Variants in IFT25 observed in about 807,000 individuals in gnomAD.
The protein encoded by IFT25 is intraflagellar transport 25.
chr1:53,930,204 AT>A, the IFT25 span: 1 of 1,434,036 alleles, frequency 7.0e-7, no homozygotes, highest in Non-Finnish European at 9.3e-7. Context: ...TAATCATAAA[AT>A]TTTATTGAAT....
At chr1:53,943,203 G>T in the IFT25 span, among the ~76,000 whole-genome samples, 2 of 152,104 alleles carry the variant, frequency 1.3e-5, no homozygotes, top group African/African-American at 4.8e-5. Flanking sequence ...CCCTGAAAAC[G>T]TCCAAGAAAA....
At chr1:53,936,906 G>A in the IFT25 span, among the ~76,000 whole-genome samples, 6 of 151,932 alleles carry the variant, frequency 3.9e-5, no homozygotes, top group Non-Finnish European at 5.9e-5. Context: ...TGTTGCCCAG[G>A]CTAGTCTCAA....
At chr1:53,917,070 G>A in the IFT25 span, 1 of 200,984 alleles carries the variant, frequency 5.0e-6, no homozygotes, top group Admixed American at 6.0e-5. Flanking sequence ...CTTGAACCCG[G>A]GAGACGGAGG....
At chr1:53,933,774 T>C in the IFT25 span, among the ~76,000 whole-genome samples, 1 of 152,204 alleles carries the variant, frequency 6.6e-6, no homozygotes, top group Non-Finnish European at 1.5e-5. Flanking sequence ...CATTTTTGTC[T>C]CTCCCTCCTA....
chr1:53,943,245 G>C, the IFT25 span, among the ~76,000 whole-genome samples: 2,268 of 152,256 alleles, frequency 0.015, 69 homozygotes, highest in African/African-American at 0.051. Flanking sequence ...ATGGAAGAAG[G>C]CAAAGAAATC....
the IFT25 span, among the ~76,000 whole-genome samples, chr1:53,925,016 C>G: frequency 2.6e-4 from 39 of 152,224 alleles, no homozygotes; most frequent in African/African-American, 9.2e-4. Context: ...TCTTTCTCCT[C>G]TAGTCCTGCT....
At chr1:53,924,468 ATTAAT>A in the IFT25 span, among the ~76,000 whole-genome samples, 1 of 152,206 alleles carries the variant, frequency 6.6e-6, no homozygotes, top group Non-Finnish European at 1.5e-5. Context: ...TTTAGAGCAG[ATTAAT>A]TTATTTCATC....
chr1:53,929,365 T>C, the IFT25 span: 9 of 152,456 alleles, frequency 5.9e-5, no homozygotes, highest in African/African-American at 1.9e-4. Context: ...CTATAGCTAG[T>C]TTCTGAGGGC....
chr1:53,928,241 A>T, the IFT25 span: 1 of 672,290 alleles, frequency 1.5e-6, no homozygotes, highest in Non-Finnish European at 2.5e-6. Flanking sequence ...GGGTCTTTCT[A>T]GACCCTAAAT....
the IFT25 span, among the ~76,000 whole-genome samples, chr1:53,921,297 G>C: frequency 6.6e-6 from 1 of 152,100 alleles, no homozygotes. Flanking sequence ...ATTGTTTACT[G>C]TCTATATTGC....
the IFT25 span, among the ~76,000 whole-genome samples, chr1:53,943,186 C>A: frequency 6.6e-6 from 1 of 152,102 alleles, no homozygotes; most frequent in Non-Finnish European, 1.5e-5. Flanking sequence ...TTTTAAATTT[C>A]TTTCATCCCT....
At chr1:53,943,538 G>A in the IFT25 span, among the ~76,000 whole-genome samples, 5 of 152,044 alleles carry the variant, frequency 3.3e-5, no homozygotes, top group Admixed American at 2.6e-4. Context: ...AGTAATTATT[G>A]GTCCCAAGTA....
the IFT25 span, among the ~76,000 whole-genome samples, chr1:53,942,319 G>A: frequency 6.6e-6 from 1 of 152,134 alleles, no homozygotes; most frequent in African/African-American, 2.4e-5. Context: ...ATCTGTTTTT[G>A]TATGGCCCAC....
chr1:53,938,304 T>C, the IFT25 span, among the ~76,000 whole-genome samples: 1 of 152,220 alleles, frequency 6.6e-6, no homozygotes, highest in East Asian at 1.9e-4. Flanking sequence ...ATTAGTCAAG[T>C]TTGACTCATA....
At chr1:53,939,943 A>G in the IFT25 span, 1 of 1,126,586 alleles carries the variant, frequency 8.9e-7, no homozygotes, top group Non-Finnish European at 1.4e-6. Flanking sequence ...CAAGGGATTC[A>G]CCGATTTAAG....
At chr1:53,923,937 G>A in the IFT25 span, 1 of 1,591,668 alleles carries the variant, frequency 6.3e-7, no homozygotes, top group Non-Finnish European at 8.6e-7. Flanking sequence ...GCCCCTCTGT[G>A]TGTACCAAAT....
chr1:53,926,538 T>C, the IFT25 span, among the ~76,000 whole-genome samples: 2 of 152,100 alleles, frequency 1.3e-5, no homozygotes, highest in African/African-American at 4.8e-5. Context: ...TTTAATATAA[T>C]ATGAAACCCA....
the IFT25 span, among the ~76,000 whole-genome samples, chr1:53,932,266 A>G: frequency 1.0e-3 from 152 of 152,062 alleles, no homozygotes; most frequent in South Asian, 6.2e-3. Context: ...CCCAGGAGGC[A>G]GAAGTTGCCA....
At chr1:53,930,028 G>C in the IFT25 span, 4 of 1,525,076 alleles carry the variant, frequency 2.6e-6, no homozygotes, top group South Asian at 2.7e-5. Flanking sequence ...ATTAATGTAA[G>C]ATTTGCTTAC....
Sources: allele counts gnomAD v4.1 joint callset (sites outside exome capture counted in the v4.1 genomes callset), GRCh38; gene constraint gnomAD v4.1.1; transcripts MANE v1.5; gene names NCBI Gene and HGNC (gene_info 2026-07-23, HGNC 2026-07-21).